Variants in PTPRD observed in about 807,000 individuals in gnomAD.
PTPRD encodes protein tyrosine phosphatase receptor type D.
In PTPRD, 34 loss-of-function variants were observed where a neutral mutation model predicts 214.5. The ratio of observed to expected loss-of-function variants is 0.16; its 90% CI spans 0.12 to 0.21. The LOEUF (loss-of-function observed/expected upper bound fraction) is 0.21, where lower values mean the gene tolerates loss of function less well. PTPRD is among the 10% of genes least tolerant of loss of function. PTPRD has a pLI of 1.00. For synonymous variants in PTPRD, 1,128 were observed against 845.7 expected (o/e 1.33, Z -5.79); for missense variants, 2,545 against 2,398.7 (o/e 1.06, Z -1.27).
intron 7 of PTPRD, among the ~76,000 whole-genome samples, chr9:9,725,314 CTTT>C (rs34712287): frequency 4.7e-4 from 68 of 145,346 alleles, no homozygotes; most frequent in African/African-American, 1.6e-3. Flanking sequence ...CCTGCACAAG[CTTT>C]TTTTTTTTTT....
At position 8,523,502 on chromosome 9, in the gene PTPRD, A is replaced by C; in HGVS notation, c.691+11T>G. 1 of 1,613,080 alleles carries C rather than the reference A, an allele frequency of 6.2e-7. No homozygotes were observed. The highest frequency in any genetic ancestry group is 2.2e-5 in the East Asian group (1 of 44,812). On this transcript the variant is annotated intron_variant, in intron 19 of 45. Coordinates refer to ENST00000381196, the MANE Select transcript of PTPRD (RefSeq NM_002839.4). The stretch of plus-strand genomic sequence containing the variant: ...TTTGTAAGGTGGGTAAAAAGTAAAA[A>C]ACACACCAACCTTCTCGCAGCTCTG...
intron 7 of PTPRD, among the ~76,000 whole-genome samples, chr9:9,582,472 G>A (rs947773189): frequency 6.6e-6 from 1 of 151,996 alleles, no homozygotes; most frequent in Non-Finnish European, 1.5e-5. Context: ...TGACAGTGTG[G>A]CATGTTATCT....
chr9:10,080,499 G>T (rs553464459), intron 3 of PTPRD, among the ~76,000 whole-genome samples: 2 of 152,174 alleles, frequency 1.3e-5, no homozygotes, highest in Non-Finnish European at 2.9e-5. Flanking sequence ...AGAAAATTGG[G>T]AATGTGAAGG....
At chr9:10,121,866 T>C (rs755555406) in intron 3 of PTPRD, among the ~76,000 whole-genome samples, 2 of 152,168 alleles carry the variant, frequency 1.3e-5, no homozygotes, top group Non-Finnish European at 2.9e-5. Flanking sequence ...TCTCTACTGT[T>C]ACCTCCCAAA....
At chr9:8,449,057 A>G (rs571570013) in intron 34 of PTPRD, among the ~76,000 whole-genome samples, 38 of 152,326 alleles carry the variant, frequency 2.5e-4, no homozygotes, top group African/African-American at 8.9e-4. Context: ...ATGAATAAAC[A>G]ATATTGTGCA....
intron 2 of PTPRD, among the ~76,000 whole-genome samples, chr9:10,460,530 G>C (rs893893045): frequency 3.3e-5 from 5 of 151,246 alleles, no homozygotes; most frequent in African/African-American, 4.9e-5. Context: ...CAGATACACA[G>C]ACCAGTGGAA....
intron 9 of PTPRD, among the ~76,000 whole-genome samples, chr9:9,195,168 A>G (rs1265148600): frequency 1.3e-5 from 2 of 151,386 alleles, no homozygotes; most frequent in African/African-American, 4.8e-5. Context: ...ACAAATTGTT[A>G]AGCTGACATG....
intron 12 of PTPRD, among the ~76,000 whole-genome samples, chr9:8,717,973 T>G (rs932244857): frequency 6.6e-6 from 1 of 152,176 alleles, no homozygotes; most frequent in Non-Finnish European, 1.5e-5. Flanking sequence ...AGCAGTGACT[T>G]GGGTCTATCT....
intron 11 of PTPRD, among the ~76,000 whole-genome samples, chr9:9,018,142 A>G (rs1393342595): frequency 4.0e-5 from 6 of 151,854 alleles, no homozygotes; most frequent in African/African-American, 1.2e-4. Context: ...CTCTTTCCCA[A>G]TCCATTAACT....
intron 3 of PTPRD, among the ~76,000 whole-genome samples, chr9:10,231,587 C>A (rs374583111): frequency 6.6e-6 from 1 of 151,882 alleles, no homozygotes; most frequent in East Asian, 2.0e-4. Flanking sequence ...CACATGCATG[C>A]GTGAACCTGT....
intron 3 of PTPRD, among the ~76,000 whole-genome samples, chr9:10,082,527 C>G (rs898172478): frequency 3.3e-5 from 5 of 151,804 alleles, no homozygotes; most frequent in African/African-American, 1.2e-4. Context: ...CTGTGAATTA[C>G]AAATTACAAG....
chr9:9,219,481 A>G (rs184071932), intron 9 of PTPRD, among the ~76,000 whole-genome samples: 1 of 152,258 alleles, frequency 6.6e-6, no homozygotes, highest in East Asian at 1.9e-4. Context: ...CATTTGGCTA[A>G]AAGCCAAATT....
chr9:10,088,576 T>C (rs2098387306), intron 3 of PTPRD, among the ~76,000 whole-genome samples: 1 of 151,768 alleles, frequency 6.6e-6, no homozygotes, highest in Non-Finnish European at 1.5e-5. Context: ...GTCCATTTCA[T>C]CTTCAGGAAG....
chr9:9,653,855 T>C lies in PTPRD; in HGVS notation c.-286-79074A>G, dbSNP rs1594331422. On this transcript the variant is annotated intron_variant, in intron 7 of 45. Coordinates refer to ENST00000381196, the MANE Select transcript of PTPRD (RefSeq NM_002839.4). The stretch of plus-strand genomic sequence containing the variant: ...TGATAAAGACAAATTAGATTTATTT[T>C]CTTGCTCCCTTATGAAAGTCTTGAA... Among the ~76,000 whole-genome samples the C allele has an allele frequency of 3.3e-5, 5 of 152,358 alleles. No homozygotes were observed. The Middle Eastern group carries it at 0.014, about 415-fold the overall frequency.
chr9:10,440,947 C>G (rs2098754114), intron 2 of PTPRD, among the ~76,000 whole-genome samples: 2 of 151,738 alleles, frequency 1.3e-5, no homozygotes, highest in Admixed American at 6.6e-5. Flanking sequence ...TGTTCACACA[C>G]TTAGTACCTC....
At chr9:9,099,484 C>T (rs1439536528) in intron 10 of PTPRD, among the ~76,000 whole-genome samples, 1 of 152,096 alleles carries the variant, frequency 6.6e-6, no homozygotes, top group Non-Finnish European at 1.5e-5. Flanking sequence ...ACTTTTTATG[C>T]CTGCCTGGGT....
intron 4 of PTPRD, among the ~76,000 whole-genome samples, chr9:9,961,459 C>T (rs185137294): frequency 5.3e-5 from 8 of 152,184 alleles, no homozygotes; most frequent in Admixed American, 2.6e-4. Flanking sequence ...ATGATAAAGT[C>T]GGCTCATTTG....
chr9:8,658,896 C>G (rs556775730), intron 12 of PTPRD, among the ~76,000 whole-genome samples: 3 of 152,210 alleles, frequency 2.0e-5, no homozygotes, highest in East Asian at 1.9e-4. Flanking sequence ...CAATGGATAT[C>G]TAGACAATTA....
intron 3 of PTPRD, among the ~76,000 whole-genome samples, chr9:10,288,072 A>C (rs944831629): frequency 6.8e-6 from 1 of 147,394 alleles, no homozygotes; most frequent in Admixed American, 7.1e-5. Flanking sequence ...GAATTCAAAA[A>C]TTTTTTCTAA....
Sources: gnomAD v4.1 joint callset for allele counts (sites outside exome capture counted in the v4.1 genomes callset) on GRCh38, gnomAD v4.1.1 for gene constraint, MANE v1.5 for transcripts, NCBI Gene and HGNC (gene_info 2026-07-23, HGNC 2026-07-21) for gene names.